Variants in XKR9 observed in about 807,000 individuals in gnomAD.
XKR9 encodes XK-related protein 9.
Under a neutral mutation model 32.0 loss-of-function variants are expected in XKR9, and 32 were observed. The ratio of observed to expected loss-of-function variants is 1.00; its 90% CI spans 0.76 to 1.34. The LOEUF is 1.34. XKR9 is among the 40% of genes most tolerant of loss of function. The probability of loss-of-function intolerance (pLI) is 0.00; values close to 1 mark genes in which losing one functional copy is unlikely to be tolerated. For missense variants in XKR9, 546 were observed against 429.7 expected (o/e 1.27, Z -2.39); for synonymous variants, 168 against 143.4 (o/e 1.17, Z -1.22).
At chr8:70,783,709 TG>T (rs539348890) in intron 2 of XKR9, among the ~76,000 whole-genome samples, 166 of 152,320 alleles carry the variant, frequency 1.1e-3, no homozygotes, top group Non-Finnish European at 1.9e-3. Context: ...CTTTTTGGTT[TG>T]ATGTAATCCA....
downstream of XKR9, among the ~76,000 whole-genome samples, chr8:70,794,132 C>T (rs546233106): frequency 6.6e-6 from 1 of 152,112 alleles, no homozygotes; most frequent in African/African-American, 2.4e-5. Context: ...ATGAATTTGT[C>T]TCCTTAAATT....
intron 2 of XKR9, among the ~76,000 whole-genome samples, chr8:70,763,284 C>T (rs1369604834): frequency 6.6e-6 from 1 of 152,142 alleles, no homozygotes; most frequent in Non-Finnish European, 1.5e-5. Context: ...GAAAAAATAT[C>T]GTGAGGCAGT....
chr8:70,755,909 A>C (rs1036721498), intron 2 of XKR9, among the ~76,000 whole-genome samples: 1 of 152,020 alleles, frequency 6.6e-6, no homozygotes, highest in Non-Finnish European at 1.5e-5. Flanking sequence ...TTAAAGTATA[A>C]TAATAATAAT....
At chr8:70,785,850 T>C (rs550156715) in intron 2 of XKR9, among the ~76,000 whole-genome samples, 13 of 151,088 alleles carry the variant, frequency 8.6e-5, no homozygotes, top group South Asian at 6.2e-4. Flanking sequence ...ATATATTTTC[T>C]ATGTCATTTG....
the XKR9 span, among the ~76,000 whole-genome samples, chr8:70,823,726 G>A: frequency 6.6e-6 from 1 of 152,110 alleles, no homozygotes; most frequent in African/African-American, 2.4e-5. Flanking sequence ...ATATCTCAAC[G>A]AGGTGAGTTT....
chr8:70,961,004 T>A, the XKR9 span, among the ~76,000 whole-genome samples: 2 of 152,118 alleles, frequency 1.3e-5, no homozygotes, highest in Non-Finnish European at 2.9e-5. Context: ...ACCCTGTCTC[T>A]ACCAAAGATA....
At chr8:70,979,054 C>T in the XKR9 span, among the ~76,000 whole-genome samples, 6 of 152,258 alleles carry the variant, frequency 3.9e-5, no homozygotes, top group African/African-American at 1.4e-4. Flanking sequence ...ACATGCATCG[C>T]GTAGTTCTCA....
chr8:70,762,335 C>T (rs1402242111), intron 2 of XKR9, among the ~76,000 whole-genome samples: 1 of 152,092 alleles, frequency 6.6e-6, no homozygotes, highest in African/African-American at 2.4e-5. Flanking sequence ...AGTCACCAAC[C>T]CCTGGGCAAC....
At chr8:71,017,297 C>T in the XKR9 span, among the ~76,000 whole-genome samples, 5 of 152,132 alleles carry the variant, frequency 3.3e-5, no homozygotes, top group African/African-American at 9.7e-5. Context: ...CTAAATATAT[C>T]TTACAGTATG....
the XKR9 span, among the ~76,000 whole-genome samples, chr8:71,045,535 C>T: frequency 5.3e-5 from 8 of 152,272 alleles, no homozygotes; most frequent in South Asian, 1.2e-3. Flanking sequence ...AGTAAAATGT[C>T]GAAGATACCA....
At chr8:70,992,895 C>T in the XKR9 span, among the ~76,000 whole-genome samples, 2 of 152,230 alleles carry the variant, frequency 1.3e-5, no homozygotes, top group African/African-American at 4.8e-5. Flanking sequence ...TAGCTGGACT[C>T]TGCTGTCTTC....
the XKR9 span, among the ~76,000 whole-genome samples, chr8:70,900,667 T>C: frequency 3.3e-5 from 5 of 152,200 alleles, no homozygotes; most frequent in African/African-American, 1.2e-4. Flanking sequence ...GTATCCTTTT[T>C]TAAATTATTA....
At chr8:70,755,890 C>A (rs1807217079) in intron 2 of XKR9, among the ~76,000 whole-genome samples, 1 of 131,392 alleles carries the variant, frequency 7.6e-6, no homozygotes, top group Non-Finnish European at 1.8e-5. Flanking sequence ...TGCACATGTA[C>A]CCTAAAACTT....
chr8:71,059,514 C>A, the XKR9 span, among the ~76,000 whole-genome samples: 1 of 152,164 alleles, frequency 6.6e-6, no homozygotes, highest in Non-Finnish European at 1.5e-5. Flanking sequence ...TAGGAACTGG[C>A]GCTGTGACAA....
At chr8:70,778,284 C>G (rs939089862) in intron 2 of XKR9, among the ~76,000 whole-genome samples, 2 of 152,172 alleles carry the variant, frequency 1.3e-5, no homozygotes, top group African/African-American at 4.8e-5. Context: ...TCTGAGGCCT[C>G]TGTTCTGTGC....
the XKR9 span, among the ~76,000 whole-genome samples, chr8:70,927,548 G>A: frequency 3.9e-5 from 6 of 152,126 alleles, no homozygotes; most frequent in African/African-American, 9.7e-5. Flanking sequence ...CCAAGATGGC[G>A]TCTTTTTGCA....
the XKR9 span, among the ~76,000 whole-genome samples, chr8:70,956,099 G>A: frequency 1.3e-5 from 2 of 152,186 alleles, no homozygotes; most frequent in South Asian, 4.1e-4. Flanking sequence ...GGCGAGCAGT[G>A]GGGGTGGGGG....
intron 2 of XKR9, among the ~76,000 whole-genome samples, chr8:70,758,507 C>G (rs1194789646): frequency 2.0e-5 from 3 of 152,138 alleles, no homozygotes; most frequent in Non-Finnish European, 4.4e-5. Flanking sequence ...TTCTTGCAAA[C>G]TAGCTGTCTT....
At chr8:70,905,838 C>T in the XKR9 span, among the ~76,000 whole-genome samples, 1 of 152,136 alleles carries the variant, frequency 6.6e-6, no homozygotes, top group South Asian at 2.1e-4. Context: ...GTTAATTTTT[C>T]TTCTAACAGT....
Sources: gnomAD v4.1 joint callset for allele counts (sites outside exome capture counted in the v4.1 genomes callset) on GRCh38, gnomAD v4.1.1 for gene constraint, MANE v1.5 for transcripts, NCBI Gene and HGNC (gene_info 2026-07-23, HGNC 2026-07-21) for gene names.